Variants in CEP112 observed in about 807,000 individuals in gnomAD.
The protein encoded by CEP112 is centrosomal protein 112.
A neutral mutation model predicts 153.0 loss-of-function variants in CEP112; 127 were observed. The ratio of observed to expected loss-of-function variants is 0.83; its 90% confidence interval spans 0.72 to 0.96. The LOEUF is 0.96. CEP112 is among the 40% of genes least tolerant of loss of function. CEP112 has a pLI of 0.00. For missense variants in CEP112, 1,089 were observed against 1,101.2 expected (o/e 0.99, Z 0.16); for synonymous variants, 358 against 374.4 (o/e 0.96, Z 0.51).
intron 8 of CEP112, among the ~76,000 whole-genome samples, chr17:66,091,576 T>C (rs1024976905): frequency 2.0e-5 from 3 of 152,112 alleles, no homozygotes; most frequent in African/African-American, 7.2e-5. Context: ...AATAAATGCC[T>C]ACATCAAAAC....
At chr17:65,765,319 A>C (rs1189336159) in intron 21 of CEP112, among the ~76,000 whole-genome samples, 2 of 151,552 alleles carry the variant, frequency 1.3e-5, no homozygotes, top group African/African-American at 4.9e-5. Context: ...GTCAGTTACT[A>C]AAGAATTATT....
chr17:65,856,188 G>C (rs2058115096), intron 20 of CEP112, among the ~76,000 whole-genome samples: 1 of 151,980 alleles, frequency 6.6e-6, no homozygotes, highest in Admixed American at 6.6e-5. Flanking sequence ...GAAAATGATA[G>C]GAAAAAGAGC....
At chr17:65,791,172 T>C (rs2054571023) in intron 21 of CEP112, among the ~76,000 whole-genome samples, 1 of 152,076 alleles carries the variant, frequency 6.6e-6, no homozygotes, top group Non-Finnish European at 1.5e-5. Flanking sequence ...AGGATGACAG[T>C]AGGGGATGAA....
rs566475528 is a variant in CEP112 at position 65,772,187 on chromosome 17, A to G, written c.2395-21463T>C. ...GAAAAATAAGTGGTATAAGCTTTCA[A>G]TTGAAGCAACCTGAAAAAGAATAGC... On this transcript the variant is annotated intron_variant, in intron 21 of 26. Coordinates refer to ENST00000535342, the MANE Select transcript of CEP112 (RefSeq NM_001199165.4). 1.7e-3 allele frequency among the ~76,000 whole-genome samples: 254 copies of G among 152,336 alleles called. 11 individuals carry two copies. The South Asian group carries it at 0.05, about 30-fold the overall frequency.
intron 21 of CEP112, among the ~76,000 whole-genome samples, chr17:65,821,726 A>G (rs1233095962): frequency 1.3e-5 from 2 of 149,792 alleles, no homozygotes; most frequent in African/African-American, 2.5e-5. Flanking sequence ...TAATTTTTGC[A>G]TTTTTAGTAG....
intron 24 of CEP112, among the ~76,000 whole-genome samples, chr17:65,662,410 C>T (rs1372492986): frequency 1.3e-5 from 2 of 152,130 alleles, no homozygotes; most frequent in Non-Finnish European, 2.9e-5. Context: ...CACTAGTGTG[C>T]TCTTTCAGGA....
At chr17:65,869,665 C>T (rs549084258) in intron 20 of CEP112, among the ~76,000 whole-genome samples, 7 of 150,824 alleles carry the variant, frequency 4.6e-5, no homozygotes, top group East Asian at 2.0e-4. Flanking sequence ...CTGCAAGCTA[C>T]GCCTCCTGGG....
chr17:65,902,818 C>G (rs1051719126), intron 19 of CEP112, among the ~76,000 whole-genome samples: 1 of 152,018 alleles, frequency 6.6e-6, no homozygotes, highest in Non-Finnish European at 1.5e-5. Flanking sequence ...TGATAAATTT[C>G]AAAGCTCTAT....
chr17:66,069,964 T>G lies in CEP112; in HGVS notation c.806A>C (p.His269Pro). The G allele has an allele frequency of 6.2e-7, 1 of 1,607,904 alleles. No individual in the cohort carries two copies. The highest frequency in any genetic ancestry group is 1.1e-5 in the South Asian group (1 of 90,144). Residue 269 changes from histidine to proline, a missense_variant, in exon 9 of 27, where the codon CAT (histidine) becomes CCT (proline). Transcript: ENST00000535342. ...CTGTTGCAGTTTAAGCTTTTCTTCA[T>G]GAAATTTAGCTTCCATCATTTTTGT... ...MKTKMMEAKF[H>P]EEKLKLQQKH...
At chr17:66,177,838 T>C (rs2072551683) in intron 2 of CEP112, among the ~76,000 whole-genome samples, 1 of 152,176 alleles carries the variant, frequency 6.6e-6, no homozygotes, top group African/African-American at 2.4e-5. Context: ...CCCAGCTTAT[T>C]TCACTTAACA....
At chr17:65,747,148 T>C (rs1389286020) in intron 22 of CEP112, among the ~76,000 whole-genome samples, 2 of 152,098 alleles carry the variant, frequency 1.3e-5, no homozygotes, top group African/African-American at 4.8e-5. Context: ...GTAGTACAGT[T>C]TGAGACTTTT....
chr17:66,009,189 TTGTGTG>T (rs34971943), intron 16 of CEP112, among the ~76,000 whole-genome samples: 24,153 of 146,758 alleles, frequency 0.16, 2,499 homozygotes, highest in African/African-American at 0.3. Context: ...TGTTATCCCT[TTGTGTG>T]TGTGTGTGTG....
intron 17 of CEP112, among the ~76,000 whole-genome samples, chr17:65,977,414 A>C (rs1347795673): frequency 6.6e-6 from 1 of 152,208 alleles, no homozygotes; most frequent in Admixed American, 6.5e-5. Context: ...ACAGTGGTTA[A>C]GAATAGAGGC....
At chr17:66,054,079 T>A (rs544746685) in intron 11 of CEP112, among the ~76,000 whole-genome samples, 200 bp from the exon 12 acceptor site, 1 of 152,332 alleles carries the variant, frequency 6.6e-6, no homozygotes, top group Admixed American at 6.5e-5. Flanking sequence ...TAATTTTTCC[T>A]TTACTTTCCT....
chr17:65,849,614 G>A lies in CEP112; in HGVS notation c.2394+2190C>T, dbSNP rs563655033. Among the ~76,000 whole-genome samples, 12 of 152,220 alleles carry A rather than the reference G, an allele frequency of 7.9e-5. 1 individual carries two copies. Among genetic ancestry groups the A allele is most frequent in the Admixed American group, 3.3e-4 (5 of 15,292 alleles). On this transcript the variant is annotated intron_variant, in intron 21 of 26. Coordinates refer to ENST00000535342, the MANE Select transcript of CEP112 (RefSeq NM_001199165.4). Reference sequence around the variant, plus strand: ...TGAATATATAATGCAGGAAAATTACGGCCTAAATTGGATGTGTTATATGTC... The same window carrying A: ...TGAATATATAATGCAGGAAAATTACAGCCTAAATTGGATGTGTTATATGTC...
In CEP112 at chr17:65,668,372, C is replaced by T. The variant is rs79653246; in HGVS notation, c.2697+20757G>A. 1.0e-3 allele frequency among the ~76,000 whole-genome samples: 157 copies of T among 152,330 alleles called. 1 individual carries two copies. The highest frequency in any genetic ancestry group is 3.4e-3 in the African/African-American group (141 of 41,572). Reference sequence around the variant, plus strand: ...GGTATGTCAAGCTGTTCAATATACACGTTAAGCCTTTGGCATTAAGTCAGG... The same window carrying T: ...GGTATGTCAAGCTGTTCAATATACATGTTAAGCCTTTGGCATTAAGTCAGG... On this transcript the variant is annotated intron_variant, in intron 24 of 26. Coordinates refer to ENST00000535342, the MANE Select transcript of CEP112 (RefSeq NM_001199165.4).
At chr17:65,750,118 T>C (rs1365464167) in intron 22 of CEP112, among the ~76,000 whole-genome samples, 1 of 152,236 alleles carries the variant, frequency 6.6e-6, no homozygotes, top group Non-Finnish European at 1.5e-5. Context: ...GCCTTTCTTA[T>C]ACTAAAACTA....
intron 21 of CEP112, among the ~76,000 whole-genome samples, chr17:65,841,939 C>CACCT (rs1336449726): frequency 1.3e-5 from 2 of 151,624 alleles, no homozygotes; most frequent in East Asian, 3.9e-4. Context: ...ACTTAGGGCA[C>CACCT]AAATATCTGC....
chr17:65,793,424 G>A (rs1367720585), intron 21 of CEP112, among the ~76,000 whole-genome samples: 1 of 152,030 alleles, frequency 6.6e-6, no homozygotes, highest in African/African-American at 2.4e-5. Context: ...GATCTGTGCA[G>A]CAAACTACCA....
Sources: gnomAD v4.1 joint callset for allele counts (sites outside exome capture counted in the v4.1 genomes callset) on GRCh38, gnomAD v4.1.1 for gene constraint, MANE v1.5 for transcripts, NCBI Gene and HGNC (gene_info 2026-07-23, HGNC 2026-07-21) for gene names.